Variants in APP observed in about 807,000 individuals in gnomAD.
APP encodes the protein amyloid-beta precursor protein.
Under a neutral mutation model 101.4 loss-of-function variants are expected in APP, and 31 were observed. The observed-to-expected ratio is 0.31, with a 90% CI of 0.23 to 0.41. APP has a LOEUF of 0.41. Among genes scored for constraint, APP ranks in the 10% least tolerant of loss-of-function variants. The probability of loss-of-function intolerance (pLI) is 1.00; values close to 1 mark genes in which losing one functional copy is unlikely to be tolerated. For synonymous variants in APP, 366 were observed against 364.4 expected (o/e 1.00, Z -0.05); for missense variants, 839 against 1,003.7 (o/e 0.84, Z 2.22).
chr21:26,076,920 G>A (rs375591814), intron 3 of APP, among the ~76,000 whole-genome samples: 23 of 152,080 alleles, frequency 1.5e-4, no homozygotes, highest in East Asian at 1.4e-3. Context: ...AAAATTAGCC[G>A]GGCGTGGTTG....
chr21:26,009,397 C>A (rs2043679185), intron 6 of APP, among the ~76,000 whole-genome samples: 1 of 152,112 alleles, frequency 6.6e-6, no homozygotes, highest in South Asian at 2.1e-4. Flanking sequence ...AGATCCAGTA[C>A]CAAGATCATA....
Position 26,117,160 on chromosome 21 carries a change from A to G in APP, c.58-5014T>C, listed in dbSNP as rs888584610. On this transcript the variant is annotated intron_variant, in intron 1 of 17. Coordinates refer to ENST00000346798, the MANE Select transcript of APP (RefSeq NM_000484.4). ...CGGCCTCCCAAAATGTTGGGATTAC[A>G]GGCATGAGCCACTGTGCCCAGCTTT... Among the ~76,000 whole-genome samples, 6 of 152,330 alleles carry G rather than the reference A, an allele frequency of 3.9e-5. 1 individual carries two copies. The South Asian group carries it at 1.0e-3, about 26-fold the overall frequency.
At chr21:25,885,555 G>A (rs1340705709) in intron 17 of APP, among the ~76,000 whole-genome samples, 1 of 152,110 alleles carries the variant, frequency 6.6e-6, no homozygotes, top group African/African-American at 2.4e-5. Flanking sequence ...TCTCTTCCCA[G>A]ACTGCCTGGA....
At chr21:26,153,493 T>A (rs900490758) in intron 1 of APP, among the ~76,000 whole-genome samples, 1 of 152,086 alleles carries the variant, frequency 6.6e-6, no homozygotes, top group African/African-American at 2.4e-5. Context: ...TTAAAAAACA[T>A]AGAGATGGGA....
chr21:25,904,274 G>A (rs779780692), intron 15 of APP, among the ~76,000 whole-genome samples: 1 of 152,094 alleles, frequency 6.6e-6, no homozygotes, highest in Non-Finnish European at 1.5e-5. Flanking sequence ...TAGACACCAG[G>A]CACATATATG....
At chr21:26,066,814 A>C (rs988169214) in intron 3 of APP, among the ~76,000 whole-genome samples, 1 of 152,202 alleles carries the variant, frequency 6.6e-6, no homozygotes, top group Non-Finnish European at 1.5e-5. Flanking sequence ...TAAGGTAGAA[A>C]GAGTTCTAGA....
chr21:26,043,969 A>C (rs1357886235), intron 5 of APP, among the ~76,000 whole-genome samples: 1 of 152,224 alleles, frequency 6.6e-6, no homozygotes, highest in Admixed American at 6.5e-5. Flanking sequence ...CTATGTTACA[A>C]AATATTTATC....
chr21:25,893,350 G>T (rs569565238), intron 16 of APP, among the ~76,000 whole-genome samples: 1 of 152,268 alleles, frequency 6.6e-6, no homozygotes, highest in Admixed American at 6.5e-5. Flanking sequence ...AAGAGTCACA[G>T]GTCTCTCACT....
chr21:26,031,576 A>G (rs12626595), intron 5 of APP, among the ~76,000 whole-genome samples: 16,370 of 151,920 alleles, frequency 0.11, 1,336 homozygotes, highest in East Asian at 0.32. Context: ...AAATGAGGAA[A>G]AGGCAAGAGA....
At chr21:26,118,715 G>A (rs2062493243) in intron 1 of APP, among the ~76,000 whole-genome samples, 1 of 151,936 alleles carries the variant, frequency 6.6e-6, no homozygotes. Flanking sequence ...ACTACGCCTG[G>A]CTAATTTTTG....
At chr21:26,128,532 T>C (rs1273879156) in intron 1 of APP, among the ~76,000 whole-genome samples, 1 of 152,222 alleles carries the variant, frequency 6.6e-6, no homozygotes, top group African/African-American at 2.4e-5. Flanking sequence ...TAATGTATAC[T>C]CAAAATGGCC....
At position 26,017,813 on chromosome 21, in the gene APP, C is replaced by T. The variant is rs1004647745; in HGVS notation, c.865+4027G>A. Among the ~76,000 whole-genome samples the T allele has an allele frequency of 3.3e-5, 5 of 152,210 alleles. No homozygotes were observed. The South Asian group carries it at 1.0e-3, about 32-fold the overall frequency. On this transcript the variant is annotated intron_variant, in intron 6 of 17. Transcript: ENST00000346798. ...AATTAGGAGCAAGTATCTAAATACACCACTGTTGTACTCAAATCGGTAATG... is the reference window on the plus strand; with the variant it reads ...AATTAGGAGCAAGTATCTAAATACATCACTGTTGTACTCAAATCGGTAATG...
At chr21:26,065,642 C>T (rs2046427608) in intron 3 of APP, among the ~76,000 whole-genome samples, 1 of 152,120 alleles carries the variant, frequency 6.6e-6, no homozygotes, top group African/African-American at 2.4e-5. Flanking sequence ...GTGGGCTCAA[C>T]TCTGAAAACC....
chr21:26,100,123 C>T (rs1204003847), intron 2 of APP, among the ~76,000 whole-genome samples: 1 of 152,180 alleles, frequency 6.6e-6, no homozygotes, highest in East Asian at 1.9e-4. Flanking sequence ...TGTGAAAACA[C>T]AAGCAGATGT....
chr21:25,965,928 G>A (rs1601052218), intron 11 of APP, among the ~76,000 whole-genome samples: 1 of 152,182 alleles, frequency 6.6e-6, no homozygotes, highest in Non-Finnish European at 1.5e-5. Flanking sequence ...CGGTGCTATG[G>A]GTTTTAATAG....
At chr21:26,035,478 G>A (rs2045063920) in intron 5 of APP, among the ~76,000 whole-genome samples, 2 of 152,122 alleles carry the variant, frequency 1.3e-5, no homozygotes, top group East Asian at 3.8e-4. Context: ...GAGGAGCTGG[G>A]TCAAATACAC....
chr21:26,094,790 A>G (rs910659448), intron 2 of APP, among the ~76,000 whole-genome samples: 1 of 151,552 alleles, frequency 6.6e-6, no homozygotes, highest in African/African-American at 2.4e-5. Context: ...TTCAGTCCAA[A>G]AATATTAAAT....
At chr21:26,027,617 T>C (rs568495713) in intron 5 of APP, among the ~76,000 whole-genome samples, 9 of 152,100 alleles carry the variant, frequency 5.9e-5, no homozygotes, top group South Asian at 2.1e-4. Context: ...TGCAGGCAAA[T>C]AGAACTCAGG....
chr21:26,057,255 T>C (rs2046078944), intron 3 of APP, among the ~76,000 whole-genome samples: 1 of 152,240 alleles, frequency 6.6e-6, no homozygotes, highest in South Asian at 2.1e-4. Context: ...AAAAGAGTTC[T>C]TAACAGAATT....
Sources: gnomAD v4.1 joint callset for allele counts (sites outside exome capture counted in the v4.1 genomes callset) on GRCh38, gnomAD v4.1.1 for gene constraint, MANE v1.5 for transcripts, NCBI Gene and HGNC (gene_info 2026-07-23, HGNC 2026-07-21) for gene names.